PPFIA1: variants seen among roughly 807,000 people sequenced by gnomAD.
The protein encoded by PPFIA1 is liprin-alpha-1.
Under a neutral mutation model 149.9 loss-of-function variants are expected in PPFIA1, and 25 were observed. That is an observed-to-expected ratio of 0.17 (90% confidence interval 0.12 to 0.23). The LOEUF is 0.23. Among genes scored for constraint, PPFIA1 ranks in the 10% least tolerant of loss-of-function variants. The pLI is 1.00. For synonymous variants in PPFIA1, 549 were observed against 552.8 expected, an observed-to-expected ratio of 0.99 and a Z score of 0.10; for missense variants, 1,362 against 1,506.5, an observed-to-expected ratio of 0.90 and a Z score of 1.59.
chr11:70,316,228 C>T (rs1419291423), intron 2 of PPFIA1, among the ~76,000 whole-genome samples: 4 of 152,202 alleles, frequency 2.6e-5, no homozygotes, highest in Non-Finnish European at 4.4e-5. Flanking sequence ...TGCACCACCA[C>T]GCCTGGCTAA....
At chr11:70,373,207 G>T (rs1451208194) in intron 23 of PPFIA1, among the ~76,000 whole-genome samples, 2 of 103,018 alleles carry the variant, frequency 1.9e-5, no homozygotes, top group Non-Finnish European at 4.6e-5. Context: ...AAATTTATTT[G>T]TTTGTTTGTT....
At chr11:70,337,971 T>G (rs2055085484) in intron 12 of PPFIA1, among the ~76,000 whole-genome samples, 1 of 152,172 alleles carries the variant, frequency 6.6e-6, no homozygotes. Context: ...TGAGATCAAG[T>G]ATACCCATGA....
Position 70,376,518 on chromosome 11 carries a change from T to C in PPFIA1, c.3316-14T>C. ...TTGATGAAAGTTTTATTTGTTTTTCTTTGGTTATTTCAGGCTCGTGCTGTC... is the reference window on the plus strand; with the variant it reads ...TTGATGAAAGTTTTATTTGTTTTTCCTTGGTTATTTCAGGCTCGTGCTGTC... On this transcript the variant is annotated splice_polypyrimidine_tract_variant and intron_variant, in intron 24 of 27. Transcript: ENST00000253925. 2 of 1,607,874 alleles carry C rather than the reference T, an allele frequency of 1.2e-6. No homozygotes were observed. Among genetic ancestry groups the C allele is most frequent in the Non-Finnish European group, 1.7e-6 (2 of 1,174,440 alleles).
chr11:70,277,060 ATT>A (rs1555076271), intron 2 of PPFIA1, among the ~76,000 whole-genome samples: 1 of 66,326 alleles, frequency 1.5e-5, no homozygotes, highest in African/African-American at 1.2e-4. Context: ...ATATATATAT[ATT>A]TTTTTTTTTC....
At chr11:70,328,221 C>T (rs1464429101) in intron 7 of PPFIA1, among the ~76,000 whole-genome samples, 2 of 152,160 alleles carry the variant, frequency 1.3e-5, no homozygotes, top group East Asian at 1.9e-4. Flanking sequence ...CCTCTTCTTC[C>T]TCCTATCCTC....
At chr11:70,340,525 T>G (rs983054820) in intron 14 of PPFIA1, among the ~76,000 whole-genome samples, 1 of 152,248 alleles carries the variant, frequency 6.6e-6, no homozygotes, top group Non-Finnish European at 1.5e-5. Context: ...CTTCTTTCTT[T>G]GGTCTGTTCA....
In PPFIA1 at chr11:70,355,050, G is replaced by A. The variant is rs186388232; in HGVS notation, c.2316-589G>A. Among the ~76,000 whole-genome samples, 11 of 151,962 alleles carry A rather than the reference G, an allele frequency of 7.2e-5. No homozygotes were observed. In the East Asian group the frequency reaches 7.7e-4, roughly 11 times the overall value. ...CTCCCGAGTAGCTGGAACTACAGGC[G>A]CACACCACCATGCCCGGCTAATTTT... On this transcript the variant is annotated intron_variant, in intron 17 of 27. Coordinates refer to ENST00000253925, the MANE Select transcript of PPFIA1 (RefSeq NM_003626.5).
At chr11:70,272,005 A>T in intron 1 of PPFIA1, 168 bp from the exon 2 acceptor site, 1 of 774,338 alleles carries the variant, frequency 1.3e-6, no homozygotes, top group Non-Finnish European at 2.1e-6. Flanking sequence ...TTTTGCACTT[A>T]ATATTTGCCC....
At chr11:70,355,915 C>T (rs1043876152) in intron 18 of PPFIA1, 104 bp downstream of exon 18, 177 of 1,411,892 alleles carry the variant, frequency 1.3e-4, no homozygotes, top group Non-Finnish European at 1.7e-4. Context: ...GCCGTGTGCT[C>T]TCCAGGGAGC....
At chr11:70,294,510 CA>C (rs1488883030) in intron 2 of PPFIA1, among the ~76,000 whole-genome samples, 4 of 149,336 alleles carry the variant, frequency 2.7e-5, no homozygotes, top group African/African-American at 4.9e-5. Flanking sequence ...GTGACAAAGG[CA>C]AAAAGTCAAA....
intron 2 of PPFIA1, among the ~76,000 whole-genome samples, chr11:70,276,129 T>C (rs912930315): frequency 1.3e-5 from 2 of 152,198 alleles, no homozygotes; most frequent in African/African-American, 4.8e-5. Flanking sequence ...ATTTTTGAGA[T>C]GGGGTCTTGC....
chr11:70,359,922 C>T (rs1177968585), intron 19 of PPFIA1, among the ~76,000 whole-genome samples: 1 of 152,268 alleles, frequency 6.6e-6, no homozygotes, highest in Non-Finnish European at 1.5e-5. Context: ...ATCCCCTCGA[C>T]ACAGGGGCCT....
At position 70,326,731 on chromosome 11, in the gene PPFIA1, A is replaced by G. The variant is rs367711290; in HGVS notation, c.843A>G (p.Thr281=). The change falls in exon 7 of 28, where the codon ACA becomes ACG. Residue 281 remains threonine, a synonymous_variant. Coordinates refer to ENST00000253925, the MANE Select transcript of PPFIA1 (RefSeq NM_003626.5). ...TGGCTTCCCTTTCCAGTCATGTGAC[A>G]GAACTGGAAGAGGATCTGGACACGG... ...ERLASLSSHV[T]ELEEDLDTAR... is the part of the protein sequence containing the mutation. 2.7e-5 allele frequency: 43 copies of G among 1,614,110 alleles called. No individual in the cohort carries two copies. The highest frequency in any genetic ancestry group is 3.6e-5 in the Non-Finnish European group (43 of 1,180,036).
At chr11:70,298,557 C>T (rs755869225) in intron 2 of PPFIA1, among the ~76,000 whole-genome samples, 2 of 152,278 alleles carry the variant, frequency 1.3e-5, no homozygotes, top group Non-Finnish European at 2.9e-5. Flanking sequence ...CAGGTGCTGC[C>T]AGGAAGTGAC....
chr11:70,282,020 T>C (rs1336526789), intron 2 of PPFIA1, among the ~76,000 whole-genome samples: 1 of 152,112 alleles, frequency 6.6e-6, no homozygotes, highest in Non-Finnish European at 1.5e-5. Context: ...TCGCTTAGGC[T>C]ACCTTGTCCA....
chr11:70,300,286 G>T (rs1003230302), intron 2 of PPFIA1, among the ~76,000 whole-genome samples: 1 of 152,128 alleles, frequency 6.6e-6, no homozygotes, highest in Non-Finnish European at 1.5e-5. Flanking sequence ...CTTTTTCTCC[G>T]CCAGTTCCTA....
intron 2 of PPFIA1, among the ~76,000 whole-genome samples, chr11:70,290,476 G>A (rs975933265): frequency 1.3e-5 from 2 of 152,140 alleles, no homozygotes; most frequent in East Asian, 1.9e-4. Context: ...CTTTGTTGGC[G>A]CCTGCTAATG....
intron 25 of PPFIA1, 124 bp from the exon 26 acceptor site, chr11:70,377,906 G>T: frequency 2.5e-6 from 2 of 784,628 alleles, no homozygotes; most frequent in Non-Finnish European, 4.1e-6. Context: ...ATCAAGAAGG[G>T]ATTAAATACA....
chr11:70,383,084 A>T lies in PPFIA1; in HGVS notation c.*94A>T, dbSNP rs954547661. On this transcript the variant is annotated 3_prime_UTR_variant, in exon 28 of 28. Transcript: ENST00000253925. ...CATTTTGGAATCCAGTGGAATCTTT[A>T]ATCTTGTTAATACTTGTTATATGGA... 2.2e-5 allele frequency: 9 copies of T among 415,280 alleles called. No individual in the cohort carries two copies. Among genetic ancestry groups the T allele is most frequent in the Non-Finnish European group, 3.7e-5 (8 of 214,922 alleles). The allele number at this position is 415,280 out of a possible 1,614,324, so 25.7% of individuals were successfully genotyped here.
Sources: gnomAD v4.1 joint callset for allele counts (sites outside exome capture counted in the v4.1 genomes callset) on GRCh38, gnomAD v4.1.1 for gene constraint, MANE v1.5 for transcripts, NCBI Gene and HGNC (gene_info 2026-07-23, HGNC 2026-07-21) for gene names.